The following VTI1A variants were observed in gnomAD, a reference collection of about 807,000 sequenced individuals.
The protein encoded by VTI1A is vesicle transport through interaction with t-SNAREs homolog 1A.
In VTI1A, 22 loss-of-function variants were observed where a neutral mutation model predicts 34.9. The ratio of observed to expected loss-of-function variants is 0.63; its 90% confidence interval spans 0.45 to 0.90. VTI1A has a LOEUF of 0.90. VTI1A is among the 40% of genes least tolerant of loss of function. The pLI, the probability that VTI1A is intolerant of heterozygous loss-of-function variation, is 0.00. For missense variants in VTI1A, 268 were observed against 275.6 expected, an observed-to-expected ratio of 0.97 and a Z score of 0.20; for synonymous variants, 87 against 97.3, an observed-to-expected ratio of 0.89 and a Z score of 0.62.
chr10:112,836,273 C>T, the VTI1A span, among the ~76,000 whole-genome samples: 1 of 152,292 alleles, frequency 6.6e-6, no homozygotes, highest in East Asian at 1.9e-4. Flanking sequence ...GATTTCTTCA[C>T]CCATGGCCAG....
chr10:112,650,249 T>G (rs1240861956), intron 5 of VTI1A, among the ~76,000 whole-genome samples: 1 of 152,370 alleles, frequency 6.6e-6, no homozygotes, highest in African/African-American at 2.4e-5. Context: ...TTTAAACTTT[T>G]TTTGTTAAAA....
intron 3 of VTI1A, among the ~76,000 whole-genome samples, chr10:112,492,797 AATTG>A (rs1459289619): frequency 1.3e-5 from 2 of 152,130 alleles, no homozygotes; most frequent in Non-Finnish European, 2.9e-5. Flanking sequence ...GCAAAAAAAA[AATTG>A]ATTGAGTTAT....
intron 4 of VTI1A, among the ~76,000 whole-genome samples, chr10:112,535,733 G>C (rs1850595232): frequency 6.6e-6 from 1 of 152,188 alleles, no homozygotes; most frequent in Non-Finnish European, 1.5e-5. Flanking sequence ...GAGAGAATGA[G>C]TTTGGGATGG....
the VTI1A span, among the ~76,000 whole-genome samples, chr10:112,836,018 A>G: frequency 6.6e-6 from 1 of 152,256 alleles, no homozygotes; most frequent in African/African-American, 2.4e-5. Context: ...TGCAAAGGCC[A>G]AAGCTCCAGT....
intron 3 of VTI1A, among the ~76,000 whole-genome samples, chr10:112,466,408 C>T (rs1231208238): frequency 6.6e-6 from 1 of 152,000 alleles, no homozygotes; most frequent in Non-Finnish European, 1.5e-5. Context: ...TTAGACTGGG[C>T]TCCTATTAAT....
intron 7 of VTI1A, among the ~76,000 whole-genome samples, chr10:112,757,513 TTACTGGGAA>T (rs1049841275): frequency 1.6e-4 from 25 of 151,832 alleles, no homozygotes; most frequent in Non-Finnish European, 3.2e-4. Flanking sequence ...GCCTCCTGAG[TTACTGGGAA>T]TACAGGCACG....
At chr10:112,447,037 AC>A, upstream of VTI1A, 1 of 302,674 alleles carries the variant, frequency 3.3e-6, no homozygotes, top group Non-Finnish European at 6.5e-6. Context: ...GATTCCCAGA[AC>A]ACGAAGGGGG....
chr10:112,521,080 A>G (rs1589857560), intron 3 of VTI1A, among the ~76,000 whole-genome samples: 1 of 152,182 alleles, frequency 6.6e-6, no homozygotes, highest in African/African-American at 2.4e-5. Flanking sequence ...TTAATGCTAC[A>G]GTATTGGTGA....
intron 3 of VTI1A, among the ~76,000 whole-genome samples, chr10:112,525,710 A>C (rs1208328401): frequency 6.6e-6 from 1 of 151,726 alleles, no homozygotes; most frequent in Non-Finnish European, 1.5e-5. Context: ...ATAGTTACTG[A>C]AATAATTTTC....
chr10:112,852,316 C>CT, the VTI1A span, among the ~76,000 whole-genome samples: 1 of 152,212 alleles, frequency 6.6e-6, no homozygotes, highest in African/African-American at 2.4e-5. Context: ...CCCCACAAAA[C>CT]TTCCTAGTGA....
chr10:112,465,699 A>T (rs1321202436), intron 3 of VTI1A, among the ~76,000 whole-genome samples: 4 of 152,090 alleles, frequency 2.6e-5, no homozygotes, highest in East Asian at 3.9e-4. Flanking sequence ...GTTACCGGGG[A>T]CTTGAGGGGA....
chr10:112,596,429 T>C (rs1440835838), intron 5 of VTI1A, among the ~76,000 whole-genome samples: 1 of 152,188 alleles, frequency 6.6e-6, no homozygotes. Context: ...GAGTATACCA[T>C]AAACTTATTT....
chr10:112,830,849 A>ATATATATATATTTTT, the VTI1A span, among the ~76,000 whole-genome samples: 4 of 33,496 alleles, frequency 1.2e-4, no homozygotes, highest in African/African-American at 2.9e-4. Flanking sequence ...ATATATATAT[A>ATATATATATATTTTT]TTTTTTTTTT....
chr10:112,480,144 C>T (rs1462914975), intron 3 of VTI1A, among the ~76,000 whole-genome samples: 4 of 152,138 alleles, frequency 2.6e-5, no homozygotes, highest in African/African-American at 9.7e-5. Context: ...CAGTGTAATA[C>T]ACAGCTAGAA....
the VTI1A span, chr10:112,827,249 G>A: frequency 6.6e-5 from 10 of 152,170 alleles, no homozygotes; most frequent in East Asian, 3.9e-4. Context: ...CTGAGCGATC[G>A]CGCTCCTTCC....
chr10:112,757,246 G>T (rs1483499228), intron 7 of VTI1A, among the ~76,000 whole-genome samples: 1 of 151,830 alleles, frequency 6.6e-6, no homozygotes, highest in Non-Finnish European at 1.5e-5. Flanking sequence ...TGAGTGCTGG[G>T]AGGGAAGAGG....
chr10:112,484,913 T>C (rs1192335844), intron 3 of VTI1A: 3 of 151,962 alleles, frequency 2.0e-5, no homozygotes. Flanking sequence ...AATAATGCCA[T>C]GTGTTACAGT....
At chr10:112,761,069 T>A (rs1446183639) in intron 7 of VTI1A, among the ~76,000 whole-genome samples, 1 of 152,178 alleles carries the variant, frequency 6.6e-6, no homozygotes, top group Non-Finnish European at 1.5e-5. Flanking sequence ...TTTTTTATTT[T>A]CAAGGCTGAA....
At chr10:112,460,397 T>A (rs1383641964) in intron 1 of VTI1A, 127 bp from the exon 2 acceptor site, 7 of 762,250 alleles carry the variant, frequency 9.2e-6, no homozygotes, top group Non-Finnish European at 1.2e-5. Context: ...AAGAATGATA[T>A]GCTCTTTTGC....
Sources: gnomAD v4.1 joint callset for allele counts (sites outside exome capture counted in the v4.1 genomes callset) on GRCh38, gnomAD v4.1.1 for gene constraint, MANE v1.5 for transcripts, NCBI Gene and HGNC (gene_info 2026-07-23, HGNC 2026-07-21) for gene names.